Variants in PRKN observed in about 807,000 individuals in gnomAD.
The protein encoded by PRKN is E3 ubiquitin-protein ligase parkin.
In PRKN, 56 loss-of-function variants were observed where a neutral mutation model predicts 59.5. The observed-to-expected ratio is 0.94, with a 90% CI of 0.76 to 1.18. The LOEUF (loss-of-function observed/expected upper bound fraction) is 1.18. PRKN is among the 50% of genes most tolerant of loss of function. The pLI is 0.00. For missense variants in PRKN, 657 were observed against 596.4 expected (o/e 1.10, Z -1.06); for synonymous variants, 250 against 222.1 (o/e 1.13, Z -1.12).
Position 161,407,648 on chromosome 6 carries a change from C to T in PRKN, c.1084-20771G>A, listed in dbSNP as rs200326967. On this transcript the variant is annotated intron_variant, in intron 9 of 11. Transcript: ENST00000366898. The surrounding 1 kb of genome is among the most constrained non-coding windows in gnomAD (Gnocchi z 4.9). ...AGTCGAAGCTCAGCCATTATAACCCCTGTGACCTGCACATATACGTCCAGA... is the reference window on the plus strand; with the variant it reads ...AGTCGAAGCTCAGCCATTATAACCCTTGTGACCTGCACATATACGTCCAGA... 2.6e-5 allele frequency among the ~76,000 whole-genome samples: 4 copies of T among 152,184 alleles called. No homozygotes were observed. In the East Asian group the frequency reaches 7.7e-4, roughly 29 times the overall value.
chr6:162,159,953 G>T (rs1023549693), intron 4 of PRKN, among the ~76,000 whole-genome samples: 3 of 152,124 alleles, frequency 2.0e-5, no homozygotes, highest in African/African-American at 7.2e-5. Flanking sequence ...AGGTCTAGAA[G>T]GAAACCAAGA....
chr6:161,670,777 C>T (rs995867428), intron 7 of PRKN, among the ~76,000 whole-genome samples: 1 of 152,000 alleles, frequency 6.6e-6, no homozygotes, highest in African/African-American at 2.4e-5. Context: ...AATAATGCCA[C>T]TGCACTCCAG....
intron 6 of PRKN, among the ~76,000 whole-genome samples, chr6:161,884,763 G>A (rs1795068249): frequency 6.6e-6 from 1 of 152,086 alleles, no homozygotes; most frequent in Non-Finnish European, 1.5e-5. Context: ...GTCTAGACGG[G>A]TTATCCATGT....
chr6:162,466,360 G>A (rs1158899854), intron 1 of PRKN, among the ~76,000 whole-genome samples: 1 of 152,052 alleles, frequency 6.6e-6, no homozygotes, highest in Admixed American at 6.6e-5. Flanking sequence ...TCTATTCCCA[G>A]GCATTATATT....
At chr6:162,445,689 TAAAAAAAAAA>T (rs71004091) in intron 1 of PRKN, among the ~76,000 whole-genome samples, 169 of 28,618 alleles carry the variant, frequency 5.9e-3, no homozygotes, top group African/African-American at 0.029. Context: ...AGACCTTGTC[TAAAAAAAAAA>T]AAAAAAAAAA....
chr6:161,811,566 A>C (rs1419947485), intron 6 of PRKN, among the ~76,000 whole-genome samples: 1 of 152,158 alleles, frequency 6.6e-6, no homozygotes, highest in Non-Finnish European at 1.5e-5. Context: ...CTTACATCAC[A>C]CCAAACACAA....
At chr6:162,281,190 C>T (rs1265711594) in intron 2 of PRKN, among the ~76,000 whole-genome samples, 1 of 151,960 alleles carries the variant, frequency 6.6e-6, no homozygotes, top group African/African-American at 2.4e-5. Context: ...CCCGCATGTT[C>T]TCACTCATAG....
At position 162,149,899 on chromosome 6, in the gene PRKN, C is replaced by T. The variant is rs573445917; in HGVS notation, c.534+51232G>A. On this transcript the variant is annotated intron_variant, in intron 4 of 11. Transcript: ENST00000366898. Reference sequence around the variant, plus strand: ...AGGATTCTAGAGGTGCAGCAGGATCCAAGTTTCCTGATAAATAAACCCCCA... The same window carrying T: ...AGGATTCTAGAGGTGCAGCAGGATCTAAGTTTCCTGATAAATAAACCCCCA... Among the ~76,000 whole-genome samples the T allele has an allele frequency of 7.9e-5, 12 of 152,230 alleles. No homozygotes were observed. In the South Asian group the frequency reaches 1.9e-3, roughly 24 times the overall value.
chr6:162,539,273 G>C (rs1308645585), intron 1 of PRKN, among the ~76,000 whole-genome samples: 1 of 151,976 alleles, frequency 6.6e-6, no homozygotes, highest in Admixed American at 6.6e-5. Context: ...ATTTCTCAAA[G>C]GAAAATTGGG....
chr6:161,366,134 G>A (rs1582976033), intron 10 of PRKN, among the ~76,000 whole-genome samples: 1 of 152,150 alleles, frequency 6.6e-6, no homozygotes, highest in Non-Finnish European at 1.5e-5. Flanking sequence ...GAAGGGATTC[G>A]TGCCCTTATT....
intron 7 of PRKN, among the ~76,000 whole-genome samples, chr6:161,667,898 ATTTAT>A (rs1784779307): frequency 6.6e-6 from 1 of 152,196 alleles, no homozygotes; most frequent in Non-Finnish European, 1.5e-5. Flanking sequence ...GGGAGGGTTT[ATTTAT>A]TTAACATTTC....
At chr6:161,938,249 C>T (rs542553694) in intron 6 of PRKN, among the ~76,000 whole-genome samples, 1 of 152,292 alleles carries the variant, frequency 6.6e-6, no homozygotes, top group Non-Finnish European at 1.5e-5. Flanking sequence ...GATGGGAAGA[C>T]AGGTAAAATC....
In PRKN at chr6:161,440,875, GTC is replaced by G; in HGVS notation, c.1084-54000_1084-53999del. Among the ~76,000 whole-genome samples the G allele has an allele frequency of 6.6e-6, 1 of 152,286 alleles. No homozygotes were observed. Among genetic ancestry groups the G allele is most frequent in the East Asian group, 1.9e-4 (1 of 5,176 alleles). ...GCATCTCTCCAGAATACAAATAAGAGTCTAATGTGATAAGAGGCTGAACTGAA... is the reference window on the plus strand; with the variant it reads ...GCATCTCTCCAGAATACAAATAAGAGTAATGTGATAAGAGGCTGAACTGAA... On this transcript the variant is annotated intron_variant, in intron 9 of 11. Transcript: ENST00000366898. The surrounding 1 kb of genome is among the most constrained non-coding windows in gnomAD (Gnocchi z 4.1).
At chr6:162,388,184 C>A (rs1174486556) in intron 2 of PRKN, among the ~76,000 whole-genome samples, 2 of 152,106 alleles carry the variant, frequency 1.3e-5, no homozygotes, top group Non-Finnish European at 2.9e-5. Flanking sequence ...GGTTTCATTG[C>A]AGGAGGAGGG....
rs57551959 is a variant in PRKN at position 161,554,403 on chromosome 6, TAC to T, written c.934-5402_934-5401del. Among the ~76,000 whole-genome samples the T allele has an allele frequency of 1.8e-4, 27 of 147,080 alleles. 1 individual carries two copies. Among genetic ancestry groups the T allele is most frequent in the African/African-American group, 4.5e-4 (18 of 39,928 alleles). ...TAACCTTCATGTTATCTTACTTCTA[TAC>T]ACACACACACACACACACACACACA... On this transcript the variant is annotated intron_variant, in intron 8 of 11. Transcript: ENST00000366898. The surrounding 1 kb of genome is among the most constrained non-coding windows in gnomAD (Gnocchi z 4.5).
At chr6:162,228,320 T>C (rs1157028456) in intron 3 of PRKN, among the ~76,000 whole-genome samples, 1 of 152,298 alleles carries the variant, frequency 6.6e-6, no homozygotes, top group East Asian at 1.9e-4. Flanking sequence ...AATAGAAATC[T>C]GGAGCACTAC....
At position 161,545,816 on chromosome 6, in the gene PRKN, C is replaced by T. The variant is rs1331868462; in HGVS notation, c.1083+3038G>A. ...TCCTTAAAGGCAACTTTCCTCAGGA[C>T]AAGCATAAATGTGCCTGGTACTCAG... On this transcript the variant is annotated intron_variant, in intron 9 of 11. Transcript: ENST00000366898. This position sits in a 1 kb window ranked among gnomAD's most constrained non-coding sequence, Gnocchi z 4.1. 2.0e-5 allele frequency among the ~76,000 whole-genome samples: 3 copies of T among 152,180 alleles called. No homozygotes were observed. In the East Asian group the frequency reaches 5.8e-4, roughly 29 times the overall value.
At chr6:161,925,016 G>C (rs1298908714) in intron 6 of PRKN, among the ~76,000 whole-genome samples, 1 of 152,000 alleles carries the variant, frequency 6.6e-6, no homozygotes, top group African/African-American at 2.4e-5. Flanking sequence ...GACTTGCTGG[G>C]AAAAAAATAT....
chr6:162,533,017 G>C (rs1325930170), intron 1 of PRKN, among the ~76,000 whole-genome samples: 3 of 152,172 alleles, frequency 2.0e-5, no homozygotes, highest in Non-Finnish European at 4.4e-5. Flanking sequence ...TCTGGCCCTA[G>C]GTGCTTATCG....
Sources: allele counts gnomAD v4.1 joint callset (sites outside exome capture counted in the v4.1 genomes callset), GRCh38; gene constraint gnomAD v4.1.1; non-coding constraint Gnocchi (gnomAD v3.1); transcripts MANE v1.5; gene names NCBI Gene and HGNC (gene_info 2026-07-23, HGNC 2026-07-21).